TMEM165: variants seen among roughly 807,000 people sequenced by gnomAD.
The protein encoded by TMEM165 is putative divalent cation/proton antiporter TMEM165.
Under a neutral mutation model 30.0 loss-of-function variants are expected in TMEM165, and 19 were observed. That is an observed-to-expected ratio of 0.63 (90% CI 0.44 to 0.93). The LOEUF (loss-of-function observed/expected upper bound fraction) is 0.93. Ranked by LOEUF, TMEM165 falls within the 40% of genes least tolerant of loss-of-function variation. The pLI is 0.00. For missense variants in TMEM165, 340 were observed against 417.0 expected (o/e 0.82, Z 1.61); for synonymous variants, 168 against 162.9 (o/e 1.03, Z -0.24).
chr4:55,431,464 G>A (rs1722495972), intron 3 of TMEM165: 1 of 152,168 alleles, frequency 6.6e-6, no homozygotes, highest in Non-Finnish European at 1.5e-5. Context: ...AAACTTAAAA[G>A]GTTCTCTTTC....
chr4:55,396,495 T>C, intron 1 of TMEM165, 99 bp downstream of exon 1: 1 of 1,086,680 alleles, frequency 9.2e-7, no homozygotes, highest in Non-Finnish European at 1.2e-6. Context: ...CGGCCTCGGC[T>C]GGGGGAGGGG....
intron 1 of TMEM165, 101 bp downstream of exon 1, chr4:55,396,497 G>T: frequency 9.4e-7 from 1 of 1,067,680 alleles, no homozygotes; most frequent in Admixed American, 4.2e-5. Context: ...GCCTCGGCTG[G>T]GGGAGGGGAG....
At position 55,444,607 on chromosome 4, in the gene TMEM165, T is replaced by C; in HGVS notation, c.409-7632T>C. 3 of 1,613,822 alleles carry C rather than the reference T, an allele frequency of 1.9e-6. No individual in the cohort carries two copies. In the South Asian group the frequency reaches 3.3e-5, roughly 18 times the overall value. On this transcript the variant is annotated intron_variant, in intron 3 of 3. Transcript: ENST00000608091. ...AATCCAAAATGTGAATGGGATGCTT[T>C]GTTTGTATTCAAATATAACAATTAC... is the stretch of plus-strand genomic sequence containing the variant.
At chr4:55,424,439 A>C (rs893953023) in intron 4 of TMEM165, 99 bp from the exon 5 acceptor site, 4 of 711,880 alleles carry the variant, frequency 5.6e-6, no homozygotes, top group Middle Eastern at 4.8e-4. Flanking sequence ...TATGCTTTTT[A>C]ATTGTTGGCC....
At chr4:55,424,389 C>A in intron 4 of TMEM165, 149 bp from the exon 5 acceptor site, 1 of 590,088 alleles carries the variant, frequency 1.7e-6, no homozygotes, top group East Asian at 2.9e-5. Context: ...GCCATTACAC[C>A]TCTCATAAAT....
chr4:55,424,557 TGG>T lies in TMEM165; in HGVS notation c.814_815del (p.Gly272TrpfsTer49). On this transcript the variant is annotated frameshift_variant, in exon 5 of 6. Coordinates refer to ENST00000381334, the MANE Select transcript of TMEM165 (RefSeq NM_018475.5). LOFTEE classifies it high-confidence loss of function. ...TTCCAGGACCCCTATGGTGTAGCCG[TGG>T]GTGGAACTGTGGGGCACTGCCTGTG... 2 of 1,613,314 alleles carry T rather than the reference TGG, an allele frequency of 1.2e-6. No homozygotes were observed. Among genetic ancestry groups the T allele is most frequent in the Non-Finnish European group, 1.7e-6 (2 of 1,179,242 alleles).
intron 4 of TMEM165, 29 bp from the exon 5 acceptor site, chr4:55,424,509 T>G: frequency 1.4e-6 from 2 of 1,442,280 alleles, no homozygotes; most frequent in Non-Finnish European, 9.7e-7. Context: ...ACCTTGGTTT[T>G]GAATTAATGC....
chr4:55,401,214 A>T (rs1720983149), intron 1 of TMEM165, among the ~76,000 whole-genome samples: 1 of 140,574 alleles, frequency 7.1e-6, no homozygotes, highest in African/African-American at 2.6e-5. Context: ...TAATTAGGCT[A>T]AAAAAAGGTT....
chr4:55,428,930 C>A (rs1391480422), downstream of TMEM165: 10 of 149,352 alleles, frequency 6.7e-5, no homozygotes, highest in Admixed American at 6.7e-4. Context: ...ATTTCAAAAT[C>A]ATTCCAGTAT....
At chr4:55,398,300 A>C (rs1280334870) in intron 1 of TMEM165, among the ~76,000 whole-genome samples, 1 of 152,226 alleles carries the variant, frequency 6.6e-6, no homozygotes, top group South Asian at 2.1e-4. Flanking sequence ...GGAATCTGGG[A>C]GATAAAGTTA....
intron 1 of TMEM165, among the ~76,000 whole-genome samples, chr4:55,396,934 G>A (rs1208520128): frequency 6.6e-6 from 1 of 152,172 alleles, no homozygotes; most frequent in Admixed American, 6.5e-5. Flanking sequence ...GGAACGCAGA[G>A]GAATTAGTCT....
chr4:55,435,395 CAA>C lies in TMEM165; in HGVS notation c.408+10753_408+10754del, dbSNP rs763690727. The C allele has an allele frequency of 1.9e-6, 3 of 1,613,700 alleles. No homozygotes were observed. The South Asian group carries it at 3.3e-5, about 18-fold the overall frequency. On this transcript the variant is annotated intron_variant, in intron 3 of 3. Coordinates refer to the TMEM165 transcript ENST00000608091. ...GGCCATCCCCTTCCTCCCTTGATGT[CAA>C]GAGAGGAAGCACGTGTGCTACTGTG...
At chr4:55,414,628 C>T (rs1721653299) in intron 2 of TMEM165, among the ~76,000 whole-genome samples, 1 of 152,128 alleles carries the variant, frequency 6.6e-6, no homozygotes, top group African/African-American at 2.4e-5. Context: ...CAATAATGTC[C>T]TTTATATCAG....
chr4:55,424,232 G>A (rs1418979001), intron 4 of TMEM165: 3 of 336,510 alleles, frequency 8.9e-6, no homozygotes, highest in Non-Finnish European at 1.1e-5. Flanking sequence ...GCAGTGCTAC[G>A]TATTGCCTGT....
chr4:55,396,058 G>T lies in TMEM165; in HGVS notation c.-132G>T. ...TCCCGCTGCTTGCACCTCCCGGATG[G>T]TGCTGACTGCTCCCTAAGCGGCGGC... On this transcript the variant is annotated 5_prime_UTR_variant, in exon 1 of 6. Coordinates refer to ENST00000381334, the MANE Select transcript of TMEM165 (RefSeq NM_018475.5). 1.5e-6 allele frequency: 1 copy of T among 683,410 alleles called. No homozygotes were observed. The allele number at this position is 683,410 out of a possible 1,614,324, so 42.3% of individuals were successfully genotyped here. A position where few individuals can be genotyped will look rare whatever the true frequency, so the allele number is the denominator to read the frequency against.
chr4:55,400,301 T>G (rs1280822732), intron 1 of TMEM165, among the ~76,000 whole-genome samples: 1 of 104,982 alleles, frequency 9.5e-6, no homozygotes, highest in Non-Finnish European at 1.8e-5. Context: ...TATATAATAT[T>G]ATATATAATA....
Position 55,395,996 on chromosome 4 carries a change from G to T in TMEM165, c.-194G>T, listed in dbSNP as rs1246578796. The T allele has an allele frequency of 7.4e-6, 3 of 403,850 alleles. No homozygotes were observed. The highest frequency in any genetic ancestry group is 1.3e-5 in the Non-Finnish European group (3 of 236,912). The allele number at this position is 403,850 out of a possible 1,614,324, so 25.0% of individuals were successfully genotyped here. On this transcript the variant is annotated 5_prime_UTR_variant, in exon 1 of 6. Coordinates refer to ENST00000381334, the MANE Select transcript of TMEM165 (RefSeq NM_018475.5). The stretch of plus-strand genomic sequence containing the variant: ...CGCCGCCGGAGAGGACGGGCGCCGA[G>T]CCGGGGCTGCGGACTTCGGCCTGCC...
At position 55,425,837 on chromosome 4, in the gene TMEM165, T is replaced by TG. The variant is rs1722172197; in HGVS notation, c.*389dup. The TG allele has an allele frequency of 6.4e-6, 1 of 155,244 alleles. No homozygotes were observed. The highest frequency in any genetic ancestry group is 6.5e-5 in the Admixed American group (1 of 15,374). 9.6% of individuals were successfully genotyped at this position (155,244 alleles called of 1,614,324 possible). On this transcript the variant is annotated 3_prime_UTR_variant, in exon 6 of 6. Coordinates refer to ENST00000381334, the MANE Select transcript of TMEM165 (RefSeq NM_018475.5). ...AAGATGTTTACCTTAAAGTTTTTCT[T>TG]GGGGAAAGAATGAATTAATTTCTAT...
intron 3 of TMEM165, chr4:55,438,605 A>G (rs1259562591): frequency 6.2e-7 from 1 of 1,608,360 alleles, no homozygotes; most frequent in Non-Finnish European, 8.5e-7. Context: ...AACGCAGTGG[A>G]GTAAATACTT....
Sources: allele counts gnomAD v4.1 joint callset (sites outside exome capture counted in the v4.1 genomes callset), GRCh38; gene constraint gnomAD v4.1.1; transcripts MANE v1.5; gene names NCBI Gene and HGNC (gene_info 2026-07-23, HGNC 2026-07-21).